GATA4: variants seen among roughly 807,000 people sequenced by gnomAD.
GATA4 encodes the protein transcription factor GATA-4.
Under a neutral mutation model 37.9 loss-of-function variants are expected in GATA4, and 7 were observed. The ratio of observed to expected loss-of-function variants is 0.18; its 90% confidence interval spans 0.11 to 0.35. The LOEUF (loss-of-function observed/expected upper bound fraction) is 0.35. GATA4 is among the 10% of genes least tolerant of loss of function. The probability of loss-of-function intolerance (pLI) is 1.00; values close to 1 mark genes in which losing one functional copy is unlikely to be tolerated. For synonymous variants in GATA4, 372 were observed against 292.6 expected, an observed-to-expected ratio of 1.27 and a Z score of -2.77; for missense variants, 647 against 653.0, an observed-to-expected ratio of 0.99 and a Z score of 0.10.
chr8:11,731,741 T>C (rs985808151), intron 2 of GATA4, among the ~76,000 whole-genome samples: 21 of 152,376 alleles, frequency 1.4e-4, no homozygotes, highest in African/African-American at 4.6e-4. Flanking sequence ...TTTATATGTA[T>C]TTTATCACAA....
At chr8:11,681,602 A>G in intron 1 of GATA4, 2 of 368,458 alleles carry the variant, frequency 5.4e-6, no homozygotes, top group Non-Finnish European at 7.5e-6. Context: ...GTTCTTAACA[A>G]TTTTATTTAT....
At position 11,731,417 on chromosome 8, in the gene GATA4, T is replaced by G. The variant is rs151125339; in HGVS notation, c.617-17499T>G. Among the ~76,000 whole-genome samples the G allele has an allele frequency of 1.3e-3, 200 of 152,314 alleles. 3 individuals carry two copies. The highest frequency in any genetic ancestry group is 2.4e-3 in the Non-Finnish European group (164 of 68,036). On this transcript the variant is annotated intron_variant, in intron 2 of 6. Coordinates refer to ENST00000532059, the MANE Select transcript of GATA4 (RefSeq NM_001308093.3). ...TTACTCAGCCTTAAAAAGGAAGTCT[T>G]GCACTGCTACAACAGATGAATCCTG...
chr8:11,694,935 G>A (rs1456409456), intron 1 of GATA4, among the ~76,000 whole-genome samples: 2 of 152,196 alleles, frequency 1.3e-5, no homozygotes, highest in African/African-American at 4.8e-5. Context: ...CAGGCAGTCA[G>A]TGGCTTTGGG....
chr8:11,677,160 A>G (rs1198200786), intron 1 of GATA4: 1 of 152,374 alleles, frequency 6.6e-6, no homozygotes, highest in Non-Finnish European at 1.5e-5. Flanking sequence ...GCTCACCACA[A>G]TCTCCAGCTG....
Position 11,708,644 on chromosome 8 carries a change from CG to C in GATA4, c.336del (p.Thr113ProfsTer94). 3.0e-6 allele frequency: 4 copies of C among 1,326,492 alleles called. No homozygotes were observed. The highest frequency in any genetic ancestry group is 4.3e-5 in the South Asian group (2 of 46,476). 82.2% of individuals were successfully genotyped at this position (1,326,492 alleles called of 1,614,324 possible). ...CCGGTGTCGCCGCGCTTCTCCTTCC[CG>C]GGGACCACCGGGTCCCTGGCGGCCG... ...PPPVSPRFSF[P>X]GTTGSLAAAA... On this transcript the variant is annotated frameshift_variant, in exon 2 of 7. Coordinates refer to ENST00000532059, the MANE Select transcript of GATA4 (RefSeq NM_001308093.3). LOFTEE classifies it high-confidence loss of function. This position sits in a 1 kb window ranked among gnomAD's most constrained non-coding sequence, Gnocchi z 6.7.
intron 2 of GATA4, among the ~76,000 whole-genome samples, chr8:11,728,959 G>A (rs191140264): frequency 4.6e-5 from 7 of 152,304 alleles, no homozygotes; most frequent in Admixed American, 2.0e-4. Flanking sequence ...ACGGCCAGGC[G>A]TGGTGGCTCA....
intron 2 of GATA4, among the ~76,000 whole-genome samples, chr8:11,741,220 G>A (rs1801722189): frequency 6.6e-6 from 1 of 152,238 alleles, no homozygotes; most frequent in Non-Finnish European, 1.5e-5. Context: ...GCTCATGCCT[G>A]TAATACCAAT....
At chr8:11,723,104 T>C (rs547841630) in intron 2 of GATA4, among the ~76,000 whole-genome samples, 2 of 152,236 alleles carry the variant, frequency 1.3e-5, no homozygotes, top group African/African-American at 4.8e-5. Flanking sequence ...CCCAGCACTT[T>C]GGGAGGCTGA....
chr8:11,726,862 C>G (rs780206785), intron 2 of GATA4, among the ~76,000 whole-genome samples: 1 of 152,206 alleles, frequency 6.6e-6, no homozygotes, highest in Non-Finnish European at 1.5e-5. Context: ...CATCAGTGTT[C>G]TGGACCTGGA....
chr8:11,701,104 C>T (rs1433612127), upstream of GATA4, among the ~76,000 whole-genome samples: 1 of 152,088 alleles, frequency 6.6e-6, no homozygotes, highest in Non-Finnish European at 1.5e-5. Context: ...AGCTCAAGTC[C>T]CAAGAGCCTT....
chr8:11,679,660 AG>A (rs1205956123), intron 1 of GATA4, among the ~76,000 whole-genome samples: 6 of 152,216 alleles, frequency 3.9e-5, no homozygotes, highest in African/African-American at 1.4e-4. Flanking sequence ...CGGCCTTAAA[AG>A]TATCCCGGCG....
chr8:11,724,726 G>A (rs1415699130), intron 2 of GATA4, among the ~76,000 whole-genome samples: 3 of 152,144 alleles, frequency 2.0e-5, no homozygotes, highest in Non-Finnish European at 4.4e-5. Flanking sequence ...AGAAGTGTGT[G>A]TGTGTGTATC....
intron 1 of GATA4, among the ~76,000 whole-genome samples, chr8:11,687,039 C>T (rs1008753282): frequency 1.3e-5 from 2 of 151,932 alleles, no homozygotes; most frequent in African/African-American, 2.4e-5. Flanking sequence ...GTTTAATCTG[C>T]CCCTTTTCTA....
At position 11,746,213 on chromosome 8, in the gene GATA4, G is replaced by C. The variant is rs186350080; in HGVS notation, c.617-2703G>C. Among the ~76,000 whole-genome samples the C allele has an allele frequency of 5.9e-5, 9 of 151,422 alleles. No individual in the cohort carries two copies. In the East Asian group the frequency reaches 1.7e-3, roughly 29 times the overall value. On this transcript the variant is annotated intron_variant, in intron 2 of 6. Coordinates refer to ENST00000532059, the MANE Select transcript of GATA4 (RefSeq NM_001308093.3). Reference sequence around the variant, plus strand: ...ACTGCACTGCAGCCTGGGTGACAGAGTGAGACTCTGTCTCAAAAAAAAAAG... The same window carrying C: ...ACTGCACTGCAGCCTGGGTGACAGACTGAGACTCTGTCTCAAAAAAAAAAG...
intron 1 of GATA4, chr8:11,698,011 A>G: frequency 1.0e-6 from 1 of 985,456 alleles, no homozygotes; most frequent in South Asian, 4.7e-5. Flanking sequence ...GAGCTGGGCA[A>G]GAGGAGCCCT....
intron 5 of GATA4, chr8:11,756,510 C>G (rs1802576495): frequency 4.2e-6 from 1 of 235,806 alleles, no homozygotes; most frequent in Non-Finnish European, 8.5e-6. Flanking sequence ...CTATTTTGAA[C>G]AGACACTAGG....
chr8:11,686,766 G>A (rs186901392), intron 1 of GATA4, among the ~76,000 whole-genome samples: 16 of 152,258 alleles, frequency 1.1e-4, no homozygotes, highest in South Asian at 2.1e-4. Flanking sequence ...TTGGGAGGCC[G>A]AGGCGGTCAG....
chr8:11,701,958 TC>T (rs796988945), upstream of GATA4, among the ~76,000 whole-genome samples: 25 of 152,268 alleles, frequency 1.6e-4, no homozygotes, highest in African/African-American at 6.0e-4. Context: ...AAGCAGGCGT[TC>T]CCACCCAGCG....
chr8:11,730,014 C>A (rs1801127850), intron 2 of GATA4, among the ~76,000 whole-genome samples: 1 of 152,162 alleles, frequency 6.6e-6, no homozygotes, highest in Admixed American at 6.5e-5. Context: ...CAGTCTTTAC[C>A]TCCAGGGTTC....
Sources: allele counts gnomAD v4.1 joint callset (sites outside exome capture counted in the v4.1 genomes callset), GRCh38; gene constraint gnomAD v4.1.1; non-coding constraint Gnocchi (gnomAD v3.1); transcripts MANE v1.5; gene names NCBI Gene and HGNC (gene_info 2026-07-23, HGNC 2026-07-21).